Variants in FTCD observed in about 807,000 individuals in gnomAD.
FTCD encodes formimidoyltransferase cyclodeaminase, also known as formimidoyltransferase-cyclodeaminase.
FTCD carries 76 observed loss-of-function variants against 62.9 expected under a neutral mutation model. The ratio of observed to expected loss-of-function variants is 1.21; its 90% CI spans 1.00 to 1.46. FTCD has a LOEUF of 1.46. Among genes scored for constraint, FTCD ranks in the 40% most tolerant of loss-of-function variants. The probability of loss-of-function intolerance (pLI) is 0.00; values close to 1 mark genes in which losing one functional copy is unlikely to be tolerated. For synonymous variants in FTCD, 397 were observed against 336.9 expected, an observed-to-expected ratio of 1.18 and a Z score of -1.95; for missense variants, 845 against 751.3, an observed-to-expected ratio of 1.12 and a Z score of -1.46.
intron 7 of FTCD, among the ~76,000 whole-genome samples, chr21:46,149,056 TATA>T (rs2079209222): frequency 6.6e-6 from 1 of 152,094 alleles, no homozygotes; most frequent in African/African-American, 2.4e-5. Flanking sequence ...CGGAAAAAAA[TATA>T]ATATGATTAT....
At chr21:46,136,432 G>T, downstream of FTCD, 2 of 1,612,570 alleles carry the variant, frequency 1.2e-6, no homozygotes, top group South Asian at 1.1e-5. Flanking sequence ...GACCTGCCGG[G>T]AGCTGCACCT....
In FTCD at chr21:46,145,962, C is replaced by T. The variant is rs116542137; in HGVS notation, c.969-15G>A. The T allele has an allele frequency of 1.4e-6, 2 of 1,446,910 alleles. No individual in the cohort carries two copies. Among genetic ancestry groups the T allele is most frequent in the Non-Finnish European group, 1.8e-6 (2 of 1,088,430 alleles). The allele number at this position is 1,446,910 out of a possible 1,614,324, so 89.6% of individuals were successfully genotyped here. ...GGACCAGGTACCTGCAGGGTGGGCG[C>T]GGCTCAGCGGGTCTGGCCGGGGTTG... On this transcript the variant is annotated splice_polypyrimidine_tract_variant and intron_variant, in intron 8 of 13. Transcript: ENST00000397746.
chr21:46,137,030 T>G lies in FTCD; in HGVS notation c.1583A>C (p.Gln528Pro), dbSNP rs727503938. 4 of 1,613,684 alleles carry G rather than the reference T, an allele frequency of 2.5e-6. No homozygotes were observed. Among genetic ancestry groups the G allele is most frequent in the Middle Eastern group, 3.3e-4 (2 of 6,060 alleles). ...CAAGCAGTCCAGCACCAGTGCAGCC[T>G]GGGTCTTGGCTTCCTGCAGGAGGCT... ...VSSLLQEAKT[Q>P]AALVLDCLET... Residue 528 changes from glutamine (Q) to proline (P), a missense_variant, in exon 14 of 14, where the codon CAG (glutamine) becomes CCG (proline). Coordinates refer to ENST00000397746, the MANE Select transcript of FTCD (RefSeq NM_206965.2).
At chr21:46,153,197 C>T (rs529690310) in intron 2 of FTCD, among the ~76,000 whole-genome samples, 162 bp from the exon 3 acceptor site, 13 of 152,190 alleles carry the variant, frequency 8.5e-5, no homozygotes, top group South Asian at 2.1e-4. Flanking sequence ...CGGCCCTGGG[C>T]GCTCCCAGCC....
intron 7 of FTCD, 93 bp from the exon 8 acceptor site, chr21:46,146,420 C>A: frequency 1.2e-6 from 1 of 856,672 alleles, no homozygotes; most frequent in Non-Finnish European, 1.9e-6. Flanking sequence ...GCGGCAGCCG[C>A]CCCCTGCCCC....
intron 7 of FTCD, among the ~76,000 whole-genome samples, chr21:46,148,004 A>G (rs1017194142): frequency 2.0e-5 from 3 of 152,018 alleles, no homozygotes; most frequent in African/African-American, 7.2e-5. Context: ...GGGGCCTCAC[A>G]CATAAGAAGA....
intron 2 of FTCD, 53 bp downstream of exon 2, chr21:46,154,094 GCT>G (rs761814576): frequency 6.3e-7 from 1 of 1,578,464 alleles, no homozygotes; most frequent in Non-Finnish European, 8.7e-7. Flanking sequence ...CCAGGACAGG[GCT>G]CGGCCCTGAC....
rs1178557049 is a variant in FTCD, at chr21:46,154,211, A to C, written c.176T>G (p.Val59Gly). Residue 59 changes from valine (V) to glycine (G), a missense_variant, in exon 2 of 14, where the codon GTG becomes GGG. Physicochemically the swap from Val to Gly is moderately radical, Grantham distance 109. Transcript: ENST00000397746. Reference sequence around the variant, plus strand: ...CCGGGCAGCGTTGAGGGCCCCCTCCACCACGCACTCCGGCGGCCCCACGAA... The same window carrying C: ...CCGGGCAGCGTTGAGGGCCCCCTCCCCCACGCACTCCGGCGGCCCCACGAA... ...YTFVGPPECV[V>G]EGALNAARVA... 1.2e-6 allele frequency: 2 copies of C among 1,612,794 alleles called. No individual in the cohort carries two copies.
At chr21:46,150,698 T>G (rs1432641523) in intron 5 of FTCD, among the ~76,000 whole-genome samples, 173 bp from the exon 6 acceptor site, 1 of 152,048 alleles carries the variant, frequency 6.6e-6, no homozygotes, top group African/African-American at 2.4e-5. Context: ...CCAGAGAAAC[T>G]TCGCTTGCCA....
At chr21:46,153,056 C>A in intron 2 of FTCD, 21 bp from the exon 3 acceptor site, 1 of 1,542,888 alleles carries the variant, frequency 6.5e-7, no homozygotes, top group South Asian at 1.2e-5. Flanking sequence ...ACGGCGAGGC[C>A]GGGCAGGAGG....
chr21:46,137,093 A>G lies in FTCD; in HGVS notation c.1540-20T>C, dbSNP rs1568957101. 1.2e-6 allele frequency: 2 copies of G among 1,613,548 alleles called. No homozygotes were observed. Among genetic ancestry groups the G allele is most frequent in the African/African-American group, 1.3e-5 (1 of 74,924 alleles). On this transcript the variant is annotated intron_variant, in intron 13 of 13. Transcript: ENST00000397746. The stretch of plus-strand genomic sequence containing the variant: ...GTGGATCTGATGGACACAGGGAAAG[A>G]GGGGTCTGGTAGTTCCAGTCTTCAG...
intron 8 of FTCD, 76 bp from the exon 9 acceptor site, chr21:46,146,023 GC>G: frequency 1.1e-6 from 1 of 921,498 alleles, no homozygotes; most frequent in Non-Finnish European, 1.6e-6. Flanking sequence ...GCGGCCCCAG[GC>G]CCCACGCCCG....
Position 46,145,929 on chromosome 21 carries a change from G to T in FTCD, c.987C>A (p.Arg329=). 1 of 1,503,326 alleles carries T rather than the reference G, an allele frequency of 6.7e-7. No homozygotes were observed. Among genetic ancestry groups the T allele is most frequent in the Non-Finnish European group, 8.8e-7 (1 of 1,132,128 alleles). 93.1% of individuals were successfully genotyped at this position (1,503,326 alleles called of 1,614,324 possible). ...TGCTGCCCAGGCCTCGCTCAGGCCC[G>T]CGCTCAGGGACCAGGTACCTGCAGG... ...ERIIEYLVPE[R]GPERGLGSKS... The change falls in exon 9 of 14, where the codon CGC becomes CGA. Residue 329 remains arginine (R), a synonymous_variant. Transcript: ENST00000397746.
intron 10 of FTCD, among the ~76,000 whole-genome samples, chr21:46,139,336 G>A (rs1269377039): frequency 2.0e-5 from 3 of 152,286 alleles, no homozygotes; most frequent in East Asian, 3.9e-4. Context: ...AGGACCAAGA[G>A]CAAACCTCAA....
chr21:46,138,402 C>T (rs1459965276), intron 12 of FTCD, 106 bp downstream of exon 12: 16 of 1,133,230 alleles, frequency 1.4e-5, no homozygotes, highest in Middle Eastern at 2.8e-4. Context: ...GTGAGGTCTC[C>T]CTACCTGGCT....
chr21:46,139,131 G>A (rs2078939223), intron 10 of FTCD: 1 of 612,290 alleles, frequency 1.6e-6, no homozygotes, highest in Non-Finnish European at 2.9e-6. Flanking sequence ...GCACACAGCA[G>A]ATGGTCAGAG....
rs1255083334 is a variant in FTCD at position 46,152,966 on chromosome 21, T to A, written c.308A>T (p.Glu103Val). The change falls in exon 3 of 14, where the codon GAG becomes GTG. Residue 103 changes from glutamate (E) to valine (V), a missense_variant. By Grantham distance (121) the Glu-to-Val change is moderately radical. Transcript: ENST00000397746. ...FIPVRGVSVD[E>V]CVLCAQAFGQ... ...AAAGGCCTGGGCGCAGAGCACACAC[T>A]CATCCACGCTGACGCCCCTCACGGG... The A allele has an allele frequency of 6.4e-7, 1 of 1,558,504 alleles. No individual in the cohort carries two copies. The highest frequency in any genetic ancestry group is 8.7e-7 in the Non-Finnish European group (1 of 1,151,382).
chr21:46,138,356 T>G (rs781780993), intron 12 of FTCD, 152 bp downstream of exon 12: 37 of 703,066 alleles, frequency 5.3e-5, no homozygotes, highest in Admixed American at 5.1e-4. Flanking sequence ...CCCGGCCCTG[T>G]TGGAGGAGGC....
downstream of FTCD, chr21:46,136,366 G>T: frequency 6.9e-7 from 1 of 1,450,404 alleles, no homozygotes; most frequent in South Asian, 1.2e-5. Flanking sequence ...GCCACTGGTT[G>T]AAGGGTGGAC....
Sources: gnomAD v4.1 joint callset for allele counts (sites outside exome capture counted in the v4.1 genomes callset) on GRCh38, gnomAD v4.1.1 for gene constraint, MANE v1.5 for transcripts, NCBI Gene and HGNC (gene_info 2026-07-23, HGNC 2026-07-21) for gene names.